ZNF804B: variants seen among roughly 807,000 people sequenced by gnomAD.
ZNF804B encodes the protein zinc finger 804B.
In ZNF804B, 80 loss-of-function variants were observed where a neutral mutation model predicts 101.4. The ratio of observed to expected loss-of-function variants is 0.79; its 90% CI spans 0.66 to 0.95. The LOEUF is 0.95. Ranked by LOEUF, ZNF804B falls within the 40% of genes least tolerant of loss-of-function variation. The pLI is 0.00. For synonymous variants in ZNF804B, 622 were observed against 558.8 expected (o/e 1.11, Z -1.59); for missense variants, 1,673 against 1,561.9 (o/e 1.07, Z -1.20).
intron 1 of ZNF804B, among the ~76,000 whole-genome samples, chr7:89,123,805 G>A (rs1326886553): frequency 6.6e-6 from 1 of 152,110 alleles, no homozygotes; most frequent in African/African-American, 2.4e-5. Context: ...GTAGTAATTG[G>A]TTTAGTTGGA....
intron 2 of ZNF804B, among the ~76,000 whole-genome samples, chr7:89,275,069 C>T (rs372829062): frequency 4.6e-5 from 7 of 151,956 alleles, no homozygotes; most frequent in East Asian, 1.9e-4. Context: ...TGTATTTGGA[C>T]GTCTAATAGG....
At chr7:89,043,085 C>T (rs1789042631) in intron 1 of ZNF804B, among the ~76,000 whole-genome samples, 1 of 152,082 alleles carries the variant, frequency 6.6e-6, no homozygotes, top group Admixed American at 6.6e-5. Flanking sequence ...GACAGCTGTA[C>T]AATAAATCAA....
intron 1 of ZNF804B, among the ~76,000 whole-genome samples, chr7:89,047,433 T>A (rs1315910816): frequency 6.6e-6 from 1 of 152,140 alleles, no homozygotes; most frequent in East Asian, 1.9e-4. Context: ...TATTATCAAC[T>A]GAAGAGTGAA....
chr7:89,178,304 A>ATT (rs59455234), intron 1 of ZNF804B, among the ~76,000 whole-genome samples: 2,248 of 142,382 alleles, frequency 0.016, 44 homozygotes, highest in South Asian at 0.034. Flanking sequence ...TACTCCTGCC[A>ATT]TTTTTTTTTT....
chr7:89,057,224 G>C (rs988432651), intron 1 of ZNF804B, among the ~76,000 whole-genome samples: 8 of 152,154 alleles, frequency 5.3e-5, no homozygotes, highest in Non-Finnish European at 8.8e-5. Context: ...AATCCTGTCT[G>C]TAGGAACAGT....
intron 1 of ZNF804B, among the ~76,000 whole-genome samples, chr7:88,895,330 T>C (rs1269390630): frequency 6.6e-6 from 1 of 152,222 alleles, no homozygotes; most frequent in African/African-American, 2.4e-5. Context: ...AAGTTACATA[T>C]AAGCAAGGAG....
At chr7:89,156,019 C>CCTTCCTTCCTTT (rs1491560521) in intron 1 of ZNF804B, among the ~76,000 whole-genome samples, 1 of 121,836 alleles carries the variant, frequency 8.2e-6, no homozygotes, top group Non-Finnish European at 1.7e-5. Context: ...TTCTCTCTTT[C>CCTTCCTTCCTTT]CTTTCTTTCT....
rs1161171786 is a variant in ZNF804B at position 88,876,998 on chromosome 7, G to GAAAA, written c.108+116921_108+116924dup. On this transcript the variant is annotated intron_variant, in intron 1 of 3. Transcript: ENST00000333190. The stretch of plus-strand genomic sequence containing the variant: ...ACAGGAAATTATACAGAGAATATTT[G>GAAAA]AAAAAAAAAATATATATATATATAT... 1.3e-3 allele frequency among the ~76,000 whole-genome samples: 72 copies of GAAAA among 53,870 alleles called. 2 individuals are homozygous for GAAAA. The highest frequency in any genetic ancestry group is 7.0e-3 in the African/African-American group (61 of 8,672). 35.3% of individuals were successfully genotyped at this position (53,870 alleles called of 152,430 possible).
At chr7:88,942,483 A>G (rs2116048881) in intron 1 of ZNF804B, among the ~76,000 whole-genome samples, 1 of 144,790 alleles carries the variant, frequency 6.9e-6, no homozygotes, top group Admixed American at 7.1e-5. Flanking sequence ...ATGTTTTGGT[A>G]TAAAAGATAT....
chr7:89,220,240 G>T (rs962247666), intron 2 of ZNF804B, among the ~76,000 whole-genome samples: 1 of 149,408 alleles, frequency 6.7e-6, no homozygotes, highest in African/African-American at 2.5e-5. Flanking sequence ...ATCCCTAAAC[G>T]TAAGATATAT....
intron 1 of ZNF804B, among the ~76,000 whole-genome samples, chr7:88,814,213 A>G (rs1461164166): frequency 6.6e-5 from 10 of 152,160 alleles, no homozygotes; most frequent in Admixed American, 6.5e-4. Context: ...AACAGTATAT[A>G]TACTTTTATA....
At chr7:89,125,526 C>G (rs1030784991) in intron 1 of ZNF804B, among the ~76,000 whole-genome samples, 4 of 151,758 alleles carry the variant, frequency 2.6e-5, no homozygotes, top group African/African-American at 9.7e-5. Flanking sequence ...TACTATTGTC[C>G]ATTCATAAGC....
At chr7:88,988,216 T>C (rs1401305556) in intron 1 of ZNF804B, among the ~76,000 whole-genome samples, 2 of 151,318 alleles carry the variant, frequency 1.3e-5, no homozygotes, top group Non-Finnish European at 3.0e-5. Flanking sequence ...CCAAGAAAAA[T>C]AAAAACGAAA....
At chr7:88,774,257 G>C (rs1293680776) in intron 1 of ZNF804B, among the ~76,000 whole-genome samples, 1 of 150,932 alleles carries the variant, frequency 6.6e-6, no homozygotes, top group Non-Finnish European at 1.5e-5. Context: ...AGTGACGAAG[G>C]GGATTACAGC....
chr7:89,039,515 A>G (rs954585702), intron 1 of ZNF804B, among the ~76,000 whole-genome samples: 3 of 152,108 alleles, frequency 2.0e-5, no homozygotes, highest in Non-Finnish European at 2.9e-5. Context: ...ATTACATGCT[A>G]CTAATTCATA....
At chr7:88,793,625 A>G (rs931753110) in intron 1 of ZNF804B, among the ~76,000 whole-genome samples, 1 of 152,144 alleles carries the variant, frequency 6.6e-6, no homozygotes, top group African/African-American at 2.4e-5. Context: ...GGAATTATAC[A>G]GTGATTATTC....
chr7:89,141,883 G>T (rs896552033), intron 1 of ZNF804B, among the ~76,000 whole-genome samples: 4 of 81,362 alleles, frequency 4.9e-5, no homozygotes, highest in South Asian at 3.7e-4. Flanking sequence ...GATAAAAAAA[G>T]AAAAAATATA....
chr7:89,283,687 T>C (rs1197132164), intron 2 of ZNF804B, among the ~76,000 whole-genome samples: 3 of 152,120 alleles, frequency 2.0e-5, no homozygotes, highest in African/African-American at 4.8e-5. Flanking sequence ...GAAATTATAA[T>C]TGTTTTTATT....
intron 1 of ZNF804B, among the ~76,000 whole-genome samples, chr7:89,002,402 G>C (rs1163082487): frequency 1.3e-5 from 2 of 151,724 alleles, no homozygotes; most frequent in African/African-American, 4.8e-5. Context: ...TAACATGCTT[G>C]CATTTTTCTT....
Sources: allele counts gnomAD v4.1 joint callset (sites outside exome capture counted in the v4.1 genomes callset), GRCh38; gene constraint gnomAD v4.1.1; transcripts MANE v1.5; gene names NCBI Gene and HGNC (gene_info 2026-07-23, HGNC 2026-07-21).